URB1: variants seen among roughly 807,000 people sequenced by gnomAD.
URB1 encodes URB1 ribosome biogenesis factor.
A neutral mutation model predicts 242.3 loss-of-function variants in URB1; 197 were observed. The ratio of observed to expected loss-of-function variants is 0.81; its 90% CI spans 0.72 to 0.91. The LOEUF (loss-of-function observed/expected upper bound fraction) is 0.91. Among genes scored for constraint, URB1 ranks in the 40% least tolerant of loss-of-function variants. The pLI is 0.00. For missense variants in URB1, 2,721 were observed against 2,860.5 expected, an observed-to-expected ratio of 0.95 and a Z score of 1.11; for synonymous variants, 1,153 against 1,201.8, an observed-to-expected ratio of 0.96 and a Z score of 0.84.
chr21:32,392,197 C>CA (rs2033646710), intron 1 of URB1, among the ~76,000 whole-genome samples: 2 of 152,292 alleles, frequency 1.3e-5, no homozygotes, highest in Non-Finnish European at 2.9e-5. Flanking sequence ...CAAACGATTA[C>CA]AAGTAGTCGC....
intron 32 of URB1, 102 bp from the exon 33 acceptor site, chr21:32,322,686 C>T (rs1197740798): frequency 1.2e-6 from 1 of 832,270 alleles, no homozygotes; most frequent in East Asian, 2.7e-5. Context: ...GACATAAATC[C>T]CCTCCCAGGA....
intron 13 of URB1, 31 bp from the exon 14 acceptor site, chr21:32,359,939 A>T (rs894713409): frequency 6.5e-7 from 1 of 1,543,320 alleles, no homozygotes; most frequent in African/African-American, 1.4e-5. Flanking sequence ...GGCTGAAAAA[A>T]GTCACATGGA....
Position 32,372,970 on chromosome 21 carries a change from C to T in URB1, c.877-339G>A, listed in dbSNP as rs117000365. ...AGAGCATACAAAAACATGTTCAAAA[C>T]AAGAGGACCTGGGCAAGTCTCCAAG... On this transcript the variant is annotated intron_variant, in intron 7 of 38. Coordinates refer to ENST00000382751, the MANE Select transcript of URB1 (RefSeq NM_014825.3). Among the ~76,000 whole-genome samples, 1,456 of 152,222 alleles carry T rather than the reference C, an allele frequency of 9.6e-3. 12 individuals carry two copies. Among genetic ancestry groups the T allele is most frequent in the Middle Eastern group, 0.017 (5 of 294 alleles).
chr21:32,354,906 G>A lies in URB1; in HGVS notation c.2198C>T (p.Thr733Met), dbSNP rs1274493737. The A allele has an allele frequency of 2.3e-5, 35 of 1,552,240 alleles. No homozygotes were observed. The highest frequency in any genetic ancestry group is 2.4e-5 in the Non-Finnish European group (27 of 1,147,158). Residue 733 changes from threonine (T) to methionine (M), a missense_variant, in exon 17 of 39, where the codon ACG (threonine) becomes ATG (methionine). By Grantham distance (81) the Thr-to-Met change is moderately conservative. Transcript: ENST00000382751. ...QEASMLQATMTKQEADDMSIP... is the reference protein window; with the variant it reads ...QEASMLQATMMKQEADDMSIP... ...GCTCATGTCATCGGCTTCTTGCTTC[G>A]TCATAGTGGCCTGCAGCATGCTTGC...
At position 32,312,198 on chromosome 21, in the gene URB1, G is replaced by A; in HGVS notation, c.*2720C>T. 6.7e-7 allele frequency: 1 copy of A among 1,487,716 alleles called. No homozygotes were observed. Among genetic ancestry groups the A allele is most frequent in the Non-Finnish European group, 8.9e-7 (1 of 1,121,186 alleles). 92.2% of individuals were successfully genotyped at this position (1,487,716 alleles called of 1,614,324 possible). On this transcript the variant is annotated 3_prime_UTR_variant, in exon 39 of 39. Coordinates refer to ENST00000382751, the MANE Select transcript of URB1 (RefSeq NM_014825.3). Reference sequence around the variant, plus strand: ...TGCAGAGGTCATCCCAGGTGTTGCTGAGTTTATTGAGCACACCTAGCCTGC... The same window carrying A: ...TGCAGAGGTCATCCCAGGTGTTGCTAAGTTTATTGAGCACACCTAGCCTGC...
rs1601113168 is a variant in URB1, at chr21:32,312,826, T to C, written c.*2092A>G. 1 of 152,358 alleles carries C rather than the reference T, an allele frequency of 6.6e-6. No individual in the cohort carries two copies. Among genetic ancestry groups the C allele is most frequent in the East Asian group, 1.9e-4 (1 of 5,186 alleles). The allele number at this position is 152,358 out of a possible 1,614,324, so 9.4% of individuals were successfully genotyped here. On this transcript the variant is annotated 3_prime_UTR_variant, in exon 39 of 39. Transcript: ENST00000382751. ...GCAAGGAGGGAGTTGATAGGTTTTATTTTTAAAATAACTGTGCCCCCCGCC... is the reference window on the plus strand; with the variant it reads ...GCAAGGAGGGAGTTGATAGGTTTTACTTTTAAAATAACTGTGCCCCCCGCC...
intron 30 of URB1, among the ~76,000 whole-genome samples, chr21:32,326,063 C>A (rs2032825873): frequency 1.3e-5 from 2 of 152,120 alleles, no homozygotes; most frequent in Non-Finnish European, 2.9e-5. Context: ...AGAAGACTCA[C>A]AGAGAGAGGG....
chr21:32,320,386 A>G lies in URB1; in HGVS notation c.5594+145T>C. Reference sequence around the variant, plus strand: ...TGCCAGGAACGGGACTGCCAGGCATATGGTAGCATTGGAGGACACTGCATT... The same window carrying G: ...TGCCAGGAACGGGACTGCCAGGCATGTGGTAGCATTGGAGGACACTGCATT... On this transcript the variant is annotated intron_variant, in intron 35 of 38. Transcript: ENST00000382751. The G allele has an allele frequency of 1.1e-5, 7 of 638,424 alleles. No individual in the cohort carries two copies. In the South Asian group the frequency reaches 1.2e-4, roughly 11 times the overall value. 39.5% of individuals were successfully genotyped at this position (638,424 alleles called of 1,614,324 possible).
Position 32,319,408 on chromosome 21 carries a change from C to A in URB1, c.5601G>T (p.Leu1867=), listed in dbSNP as rs80329348. The A allele has an allele frequency of 7.5e-3, 11,392 of 1,518,782 alleles. 404 individuals are homozygous for A. The East Asian group carries it at 0.099, about 13-fold the overall frequency. 94.1% of individuals were successfully genotyped at this position (1,518,782 alleles called of 1,614,324 possible). A position where few individuals can be genotyped will look rare whatever the true frequency, so the allele number is the denominator to read the frequency against. The change falls in exon 36 of 39, where the codon CTG becomes CTT. Residue 1867 remains leucine (L), a synonymous_variant. Coordinates refer to ENST00000382751, the MANE Select transcript of URB1 (RefSeq NM_014825.3). ...WILHILESKF[L]ETPLLSNVIS... ...TCACATTAGACAGCAGCGGAGTCTC[C>A]AGAAACCTAAAACCAAGCACAACAG...
Position 32,347,557 on chromosome 21 carries a change from G to C in URB1, c.3267C>G (p.Asn1089Lys). ...GTGATGTGGCCGGGCCCGCCCTCCT[G>C]TTCTGAAGTTCCTTCAGCACACTCT... Reference protein sequence around the residue: ...ITQSVLKELQNRRAGPATSPP... With the variant: ...ITQSVLKELQKRRAGPATSPP... The change falls in exon 22 of 39, where the codon AAC (asparagine) becomes AAG (lysine). Residue 1089 changes from asparagine to lysine, a missense_variant. Asn to Lys is a moderately conservative substitution (Grantham distance 94, BLOSUM62 0). Coordinates refer to ENST00000382751, the MANE Select transcript of URB1 (RefSeq NM_014825.3). The C allele has an allele frequency of 6.4e-7, 1 of 1,551,312 alleles. No individual in the cohort carries two copies.
intron 34 of URB1, 82 bp downstream of exon 34, chr21:32,321,719 C>T: frequency 6.6e-7 from 1 of 1,523,756 alleles, no homozygotes; most frequent in Non-Finnish European, 8.8e-7. Flanking sequence ...GAACTGAATT[C>T]ATACGGACTT....
At chr21:32,332,162 G>A (rs1051054579) in intron 30 of URB1, among the ~76,000 whole-genome samples, 1 of 152,166 alleles carries the variant, frequency 6.6e-6, no homozygotes, top group Non-Finnish European at 1.5e-5. Context: ...TCACAGAAAA[G>A]TGAGCTCAAA....
At chr21:32,376,704 C>T (rs1465365640) in intron 5 of URB1, among the ~76,000 whole-genome samples, 1 of 152,174 alleles carries the variant, frequency 6.6e-6, no homozygotes, top group Non-Finnish European at 1.5e-5. Context: ...GTGGCGCAAT[C>T]TCCACTTACT....
intron 26 of URB1, among the ~76,000 whole-genome samples, chr21:32,337,994 A>G (rs1006832539): frequency 7.9e-5 from 12 of 152,020 alleles, no homozygotes; most frequent in Admixed American, 6.6e-4. Flanking sequence ...TACTCTGTCT[A>G]CTCTTGCCTG....
intron 1 of URB1, among the ~76,000 whole-genome samples, chr21:32,388,921 C>T (rs191122626): frequency 1.1e-3 from 164 of 152,348 alleles, no homozygotes; most frequent in African/African-American, 3.6e-3. Context: ...GTGCCCGAGA[C>T]GTGCTGATGA....
At chr21:32,333,270 A>G (rs151279223) in intron 30 of URB1, 47 bp downstream of exon 30, 5 of 1,465,452 alleles carry the variant, frequency 3.4e-6, no homozygotes, top group Non-Finnish European at 4.7e-6. Flanking sequence ...CTGACCTCTG[A>G]GAAGTCATGC....
chr21:32,359,682 C>T (rs143571606), intron 14 of URB1, 114 bp downstream of exon 14: 4 of 892,126 alleles, frequency 4.5e-6, no homozygotes, highest in Non-Finnish European at 6.5e-6. Context: ...GAACTGTTAA[C>T]CTCTTCCGTC....
Position 32,347,774 on chromosome 21 carries a change from G to T in URB1, c.3050C>A (p.Pro1017His). The change falls in exon 22 of 39, where the codon CCC becomes CAC. Residue 1017 changes from proline to histidine, a missense_variant. Pro to His is a moderately conservative substitution (Grantham distance 77). Transcript: ENST00000382751. ...GGCCAGGAACCAGCCCTCCAGGGTGGGGTGCCTGAGGATGGCCACAAGCAC... is the reference window on the plus strand; with the variant it reads ...GGCCAGGAACCAGCCCTCCAGGGTGTGGTGCCTGAGGATGGCCACAAGCAC... The part of the protein sequence containing the change: ...EEVLVAILRH[P>H]TLEGWFLALE... 6.5e-7 allele frequency: 1 copy of T among 1,547,628 alleles called. No homozygotes were observed.
chr21:32,387,981 C>T (rs2033600994), intron 1 of URB1, among the ~76,000 whole-genome samples: 1 of 152,252 alleles, frequency 6.6e-6, no homozygotes, highest in Non-Finnish European at 1.5e-5. Context: ...GGGCTTGGTA[C>T]TGCAGGTGAG....
Sources: allele counts gnomAD v4.1 joint callset (sites outside exome capture counted in the v4.1 genomes callset), GRCh38; gene constraint gnomAD v4.1.1; transcripts MANE v1.5; gene names NCBI Gene and HGNC (gene_info 2026-07-23, HGNC 2026-07-21).